The following CNTLN variants were observed in gnomAD, a reference collection of about 807,000 sequenced individuals.
CNTLN encodes centlein, centrosomal protein.
In CNTLN, 212 loss-of-function variants were observed where a neutral mutation model predicts 180.0. The observed-to-expected ratio is 1.18, with a 90% CI of 1.05 to 1.32. The LOEUF is 1.32. Ranked by LOEUF, CNTLN falls within the 40% of genes most tolerant of loss-of-function variation. CNTLN has a pLI of 0.00. For synonymous variants in CNTLN, 722 were observed against 563.1 expected, an observed-to-expected ratio of 1.28 and a Z score of -3.99; for missense variants, 2,095 against 1,610.9, an observed-to-expected ratio of 1.30 and a Z score of -5.14.
At chr9:17,171,374 C>T (rs1009779764) in intron 2 of CNTLN, among the ~76,000 whole-genome samples, 1 of 151,848 alleles carries the variant, frequency 6.6e-6, no homozygotes, top group East Asian at 1.9e-4. Context: ...TGCCATGGTT[C>T]CAAGCTTTGG....
intron 5 of CNTLN, among the ~76,000 whole-genome samples, chr9:17,261,060 T>C (rs1365363049): frequency 1.3e-5 from 2 of 151,550 alleles, no homozygotes; most frequent in African/African-American, 4.9e-5. Context: ...AATAGTACCA[T>C]GCTATTTTGG....
At chr9:17,352,508 A>C (rs1006689264) in intron 12 of CNTLN, among the ~76,000 whole-genome samples, 1 of 151,508 alleles carries the variant, frequency 6.6e-6, no homozygotes, top group East Asian at 1.9e-4. Flanking sequence ...ATGTCTGCCA[A>C]TGATGACATA....
At position 17,367,925 on chromosome 9, in the gene CNTLN, G is replaced by C. The variant is rs1475796574; in HGVS notation, c.1987+1208G>C. On this transcript the variant is annotated intron_variant, in intron 13 of 25. Transcript: ENST00000380647. ...GGTGAAACCCAGGGCATCCCCAGCTGTGGTGGCTGTGGTGAGAAACCCCTG... is the reference window on the plus strand; with the variant it reads ...GGTGAAACCCAGGGCATCCCCAGCTCTGGTGGCTGTGGTGAGAAACCCCTG... 5.9e-5 allele frequency among the ~76,000 whole-genome samples: 9 copies of C among 152,086 alleles called. No individual in the cohort carries two copies. The South Asian group carries it at 8.3e-4, about 14-fold the overall frequency.
At chr9:17,507,352 T>C (rs1399452635), downstream of CNTLN, among the ~76,000 whole-genome samples, 1 of 152,202 alleles carries the variant, frequency 6.6e-6, no homozygotes, top group East Asian at 1.9e-4. Flanking sequence ...TAGTATTCCA[T>C]GGTGTATATA....
intron 13 of CNTLN, among the ~76,000 whole-genome samples, chr9:17,381,958 C>T (rs1825286568): frequency 6.6e-6 from 1 of 152,096 alleles, no homozygotes; most frequent in Non-Finnish European, 1.5e-5. Flanking sequence ...ACCCATGTTT[C>T]CCTAGTCCAA....
At chr9:17,459,069 T>C (rs1247965985) in intron 19 of CNTLN, among the ~76,000 whole-genome samples, 5 of 151,858 alleles carry the variant, frequency 3.3e-5, no homozygotes, top group African/African-American at 9.7e-5. Flanking sequence ...TATAACTTTG[T>C]TTTTCACCAA....
At chr9:17,486,114 A>T (rs886124056) in intron 24 of CNTLN, among the ~76,000 whole-genome samples, 1 of 152,154 alleles carries the variant, frequency 6.6e-6, no homozygotes, top group African/African-American at 2.4e-5. Flanking sequence ...ACTAGATTTC[A>T]TTATAGACCA....
In CNTLN at chr9:17,467,348, A is replaced by G. The variant is rs112662463; in HGVS notation, c.3855+457A>G. On this transcript the variant is annotated intron_variant, in intron 23 of 25. Coordinates refer to ENST00000380647, the MANE Select transcript of CNTLN (RefSeq NM_017738.4). ...GACAAACAGAACAAAGAGAAGACAA[A>G]CTCAAGTATCTGCAGAGGTGTACCA... is the stretch of plus-strand genomic sequence containing the variant. Among the ~76,000 whole-genome samples the G allele has an allele frequency of 1.5e-3, 234 of 151,602 alleles. 1 individual carries two copies. The highest frequency in any genetic ancestry group is 5.4e-3 in the African/African-American group (223 of 41,442).
At chr9:17,194,732 A>AC (rs1382546725) in intron 2 of CNTLN, among the ~76,000 whole-genome samples, 1 of 151,804 alleles carries the variant, frequency 6.6e-6, no homozygotes, top group African/African-American at 2.4e-5. Flanking sequence ...CTTTTAAGCA[A>AC]CCCCCCACTC....
intron 2 of CNTLN, among the ~76,000 whole-genome samples, chr9:17,193,586 C>T (rs904209448): frequency 5.9e-5 from 9 of 152,212 alleles, no homozygotes; most frequent in South Asian, 2.1e-4. Flanking sequence ...TGGTCTTGGG[C>T]AGCTCTGCAC....
chr9:17,301,066 A>G (rs1818309966), intron 7 of CNTLN: 9 of 985,414 alleles, frequency 9.1e-6, no homozygotes, highest in Non-Finnish European at 9.6e-6. Context: ...TTCCAAGACT[A>G]AGGATAAAGA....
At chr9:17,308,052 C>T (rs1178005456) in intron 7 of CNTLN, among the ~76,000 whole-genome samples, 1 of 151,302 alleles carries the variant, frequency 6.6e-6, no homozygotes, top group Non-Finnish European at 1.5e-5. Flanking sequence ...TAGTGTCAGC[C>T]ACAGATATAC....
At chr9:17,439,292 C>T (rs1462149750) in intron 18 of CNTLN, among the ~76,000 whole-genome samples, 1 of 152,030 alleles carries the variant, frequency 6.6e-6, no homozygotes, top group African/African-American at 2.4e-5. Context: ...AAGTATTTAT[C>T]AAAAATGTTC....
chr9:17,294,474 A>G (rs933029235), intron 6 of CNTLN, among the ~76,000 whole-genome samples: 4 of 151,204 alleles, frequency 2.6e-5, no homozygotes, highest in Non-Finnish European at 5.9e-5. Flanking sequence ...GCATCCACAA[A>G]CCCTGAGGTA....
intron 18 of CNTLN, among the ~76,000 whole-genome samples, chr9:17,436,512 C>T (rs1052627245): frequency 6.6e-6 from 1 of 152,170 alleles, no homozygotes; most frequent in Non-Finnish European, 1.5e-5. Flanking sequence ...TCAACAAATG[C>T]CTTGGGTTTT....
rs141518690 is a variant in CNTLN, at chr9:17,443,938, G to C, written c.3115-13586G>C. Among the ~76,000 whole-genome samples the C allele has an allele frequency of 1.1e-4, 17 of 152,258 alleles. No individual in the cohort carries two copies. The East Asian group carries it at 3.3e-3, about 29-fold the overall frequency. ...AAAGTTTTTAACAAGAAAAAGAGAA[G>C]CTTTGGTCAACAGTGTCAGATCCCA... On this transcript the variant is annotated intron_variant, in intron 18 of 25. Transcript: ENST00000380647.
At chr9:17,207,107 G>C (rs989155619) in intron 2 of CNTLN, among the ~76,000 whole-genome samples, 3 of 152,200 alleles carry the variant, frequency 2.0e-5, no homozygotes, top group African/African-American at 7.2e-5. Flanking sequence ...TTGCTTCCCA[G>C]TCTGATGGTG....
chr9:17,194,682 T>C (rs996424249), intron 2 of CNTLN, among the ~76,000 whole-genome samples: 2 of 152,136 alleles, frequency 1.3e-5, no homozygotes, highest in African/African-American at 4.8e-5. Flanking sequence ...GTTCCAACCT[T>C]TGTTACCCAG....
In CNTLN at chr9:17,388,153, C is replaced by T. The variant is rs911361094; in HGVS notation, c.1988-9C>T. ...GTGGTATCATAATATATTATTTATT[C>T]TCTACCAGAACAGCTCTTTAGATCT... On this transcript the variant is annotated splice_polypyrimidine_tract_variant and intron_variant, in intron 13 of 25. Coordinates refer to ENST00000380647, the MANE Select transcript of CNTLN (RefSeq NM_017738.4). 30 of 1,574,152 alleles carry T rather than the reference C, an allele frequency of 1.9e-5. No homozygotes were observed. Among genetic ancestry groups the T allele is most frequent in the Non-Finnish European group, 2.4e-5 (28 of 1,147,014 alleles).
Sources: allele counts gnomAD v4.1 joint callset (sites outside exome capture counted in the v4.1 genomes callset), GRCh38; gene constraint gnomAD v4.1.1; transcripts MANE v1.5; gene names NCBI Gene and HGNC (gene_info 2026-07-23, HGNC 2026-07-21).